UGT3A1: variants seen among roughly 807,000 people sequenced by gnomAD.
UGT3A1 encodes UDP-glycosyltransferase 3A1.
A neutral mutation model predicts 37.6 loss-of-function variants in UGT3A1; 40 were observed. The ratio of observed to expected loss-of-function variants is 1.06; its 90% confidence interval spans 0.83 to 1.38. The LOEUF is 1.38. UGT3A1 is among the 40% of genes most tolerant of loss of function. The probability of loss-of-function intolerance (pLI) is 0.00; values close to 1 mark genes in which losing one functional copy is unlikely to be tolerated. For missense variants in UGT3A1, 642 were observed against 634.2 expected, an observed-to-expected ratio of 1.01 and a Z score of -0.13; for synonymous variants, 256 against 232.3, an observed-to-expected ratio of 1.10 and a Z score of -0.93.
At chr5:35,971,052 C>A (rs1171885827) in intron 2 of UGT3A1, among the ~76,000 whole-genome samples, 1 of 152,158 alleles carries the variant, frequency 6.6e-6, no homozygotes, top group African/African-American at 2.4e-5. Context: ...TTCCCTTTAT[C>A]TTTAAAAGGC....
chr5:35,983,180 C>T (rs1451358900), intron 2 of UGT3A1, among the ~76,000 whole-genome samples: 1 of 134,820 alleles, frequency 7.4e-6, no homozygotes, highest in Non-Finnish European at 1.5e-5. Context: ...AAGAGAAGAT[C>T]CAAAAAAAAA....
chr5:35,962,845 G>C (rs986341583), intron 4 of UGT3A1: 3 of 702,152 alleles, frequency 4.3e-6, no homozygotes, highest in Non-Finnish European at 7.8e-6. Context: ...ACACAGGCTA[G>C]GAGGTGTTTT....
chr5:35,981,897 C>T (rs114457416), intron 2 of UGT3A1, among the ~76,000 whole-genome samples: 2,533 of 152,302 alleles, frequency 0.017, 67 homozygotes, highest in African/African-American at 0.057. Flanking sequence ...TGGGCTAGGC[C>T]CAGGACCCCA....
chr5:35,962,492 C>T (rs561009670), intron 4 of UGT3A1: 87 of 169,072 alleles, frequency 5.1e-4, no homozygotes, highest in African/African-American at 2.0e-3. Context: ...AGGGAGCTGG[C>T]TTCTCTGCTG....
In UGT3A1 at chr5:35,991,106, C is replaced by T. The variant is rs111729949; in HGVS notation, c.94+41G>A. The stretch of plus-strand genomic sequence containing the variant: ...CTGGAGCCCTGGCAGTGCGGGGATC[C>T]GGGACGCGCCTGTCTGGGAATTCTC... On this transcript the variant is annotated intron_variant, in intron 1 of 6. Transcript: ENST00000274278. The T allele has an allele frequency of 3.7e-3, 5,988 of 1,614,066 alleles. 219 individuals carry two copies. In the African/African-American group the frequency reaches 0.073, roughly 20 times the overall value.
intron 1 of UGT3A1, among the ~76,000 whole-genome samples, chr5:35,999,650 T>TA (rs1561478105): frequency 2.0e-5 from 3 of 152,142 alleles, no homozygotes; most frequent in Non-Finnish European, 2.9e-5. Context: ...AACCCTGGTG[T>TA]AAAAAAATAT....
intron 2 of UGT3A1, among the ~76,000 whole-genome samples, chr5:35,984,005 C>T (rs981988241): frequency 1.9e-4 from 29 of 152,090 alleles, no homozygotes; most frequent in Non-Finnish European, 3.5e-4. Context: ...GACAAGGATG[C>T]CCACTTTCAC....
rs1739886886 is a variant in UGT3A1 at position 35,968,079 on chromosome 5, T to A, written c.251A>T (p.Asp84Val). Residue 84 changes from aspartate (D) to valine (V), a missense_variant, in exon 3 of 7, where the codon GAT (aspartate) becomes GTT (valine). Transcript: ENST00000274278. Reference protein sequence around the residue: ...YQVIRWFSPEDHQKRIKKHFD... With the variant: ...YQVIRWFSPEVHQKRIKKHFD... ...ATGCTTCTTAATTCTTTTTTGATGA[T>A]CTTCAGGTGAAAACCACCTGATAAC... 1.9e-6 allele frequency: 3 copies of A among 1,613,250 alleles called. No homozygotes were observed. The East Asian group carries it at 6.7e-5, about 36-fold the overall frequency.
Position 35,968,129 on chromosome 5 carries a change from A to C in UGT3A1, c.201T>G (p.Ile67Met), listed in dbSNP as rs1242150845. 1.2e-6 allele frequency: 2 copies of C among 1,600,834 alleles called. No individual in the cohort carries two copies. The highest frequency in any genetic ancestry group is 1.7e-6 in the Non-Finnish European group (2 of 1,169,852). Residue 67 changes from isoleucine (I) to methionine (M), a missense_variant, in exon 3 of 7, where the codon ATT becomes ATG. Transcript: ENST00000274278. ...HQSGKFLIPD[I>M]KEEEKSYQVI... ...CTTGGTATGATTTTTCCTCCTCTTT[A>C]ATATCTAAGAAAACACCAATTGGTT...
Position 35,954,488 on chromosome 5 carries a change from G to C in UGT3A1, c.1296-10C>G. On this transcript the variant is annotated splice_polypyrimidine_tract_variant and intron_variant, in intron 6 of 6. Coordinates refer to ENST00000274278, the MANE Select transcript of UGT3A1 (RefSeq NM_152404.4). ...CACTGCCGACTTGTACCTGTTGGCG[G>C]AGACAGAGAGGGTGTGTTACTGACG... 1 of 1,612,350 alleles carries C rather than the reference G, an allele frequency of 6.2e-7. No individual in the cohort carries two copies. The highest frequency in any genetic ancestry group is 8.5e-7 in the Non-Finnish European group (1 of 1,178,634).
intron 1 of UGT3A1, chr5:36,000,862 A>G (rs1320265293): frequency 6.6e-6 from 1 of 152,222 alleles, no homozygotes; most frequent in Non-Finnish European, 1.5e-5. Context: ...CATTGATCCT[A>G]TGTCCCTACA....
At chr5:35,974,614 A>G (rs1740187962) in intron 2 of UGT3A1, among the ~76,000 whole-genome samples, 3 of 152,226 alleles carry the variant, frequency 2.0e-5, no homozygotes, top group Admixed American at 2.0e-4. Context: ...TCATAAACAT[A>G]ACCACACAGG....
intron 2 of UGT3A1, among the ~76,000 whole-genome samples, 161 bp downstream of exon 2, chr5:35,988,289 A>G (rs1036648143): frequency 2.6e-5 from 4 of 152,192 alleles, no homozygotes; most frequent in African/African-American, 9.7e-5. Context: ...ACCCAATAAG[A>G]ATTCCAATAC....
chr5:35,955,424 G>T (rs970281038), intron 6 of UGT3A1: 35 of 612,354 alleles, frequency 5.7e-5, no homozygotes, highest in Admixed American at 1.7e-4. Context: ...ATAATTTGTC[G>T]CCATCACAGC....
rs1048338021 is a variant in UGT3A1 at position 35,952,664 on chromosome 5, G to A, written c.*1538C>T. On this transcript the variant is annotated 3_prime_UTR_variant, in exon 7 of 7. Transcript: ENST00000274278. ...TGAAATCATGGCTGTTGATTCAACA[G>A]AAAACACAGGGAAGCATCCATGTCT... is the stretch of plus-strand genomic sequence containing the variant. 6.6e-6 allele frequency: 1 copy of A among 152,182 alleles called. No individual in the cohort carries two copies. The highest frequency in any genetic ancestry group is 1.5e-5 in the Non-Finnish European group (1 of 68,036). The allele number at this position is 152,182 out of a possible 1,614,324, so 9.4% of individuals were successfully genotyped here.
chr5:35,961,741 T>C (rs1003830557), intron 4 of UGT3A1: 1 of 152,238 alleles, frequency 6.6e-6, no homozygotes, highest in African/African-American at 2.4e-5. Context: ...TAAAGTATTA[T>C]CTGGTCCCAG....
intron 1 of UGT3A1, among the ~76,000 whole-genome samples, chr5:35,989,013 C>A (rs1740836040): frequency 6.6e-6 from 1 of 152,150 alleles, no homozygotes; most frequent in Non-Finnish European, 1.5e-5. Context: ...TATCTTTCAT[C>A]CTATTTTGGA....
upstream of UGT3A1, among the ~76,000 whole-genome samples, chr5:35,994,333 T>TG (rs1741042045): frequency 1.2e-4 from 16 of 138,640 alleles, no homozygotes; most frequent in Admixed American, 7.4e-4. Context: ...TTTGTTTTGT[T>TG]TGTGTGTGTG....
At chr5:35,971,861 C>G (rs1740054148) in intron 2 of UGT3A1, among the ~76,000 whole-genome samples, 3 of 152,166 alleles carry the variant, frequency 2.0e-5, no homozygotes, top group Admixed American at 6.5e-5. Context: ...ACCAACCACC[C>G]CACTTGTGAA....
Sources: gnomAD v4.1 joint callset for allele counts (sites outside exome capture counted in the v4.1 genomes callset) on GRCh38, gnomAD v4.1.1 for gene constraint, MANE v1.5 for transcripts, NCBI Gene and HGNC (gene_info 2026-07-23, HGNC 2026-07-21) for gene names.